Variants in HDAC8 observed in about 807,000 individuals in gnomAD.
HDAC8 encodes the protein histone deacetylase-like 1.
Under a neutral mutation model 32.2 loss-of-function variants are expected in HDAC8, and 1 was observed. The ratio of observed to expected loss-of-function variants is 0.03; its 90% CI spans 0.01 to 0.15. The LOEUF (loss-of-function observed/expected upper bound fraction) is 0.15, where lower values mean the gene tolerates loss of function less well. Ranked by LOEUF, HDAC8 falls within the 10% of genes least tolerant of loss-of-function variation. The probability of loss-of-function intolerance (pLI) is 1.00; values close to 1 mark genes in which losing one functional copy is unlikely to be tolerated. For missense variants in HDAC8, 117 were observed against 300.0 expected (o/e 0.39, Z 4.51); for synonymous variants, 108 against 113.9 (o/e 0.95, Z 0.33).
chrX:72,342,382 C>T (rs1012429723), intron 10 of HDAC8, among the ~76,000 whole-genome samples: 1 of 112,303 alleles, frequency 8.9e-6, no homozygotes, highest in South Asian at 3.7e-4. Context: ...GGAGGCTAGG[C>T]CCACTTACCC....
chrX:72,483,039 A>AGGAG (rs1556003947), intron 7 of HDAC8, among the ~76,000 whole-genome samples: 2 of 111,649 alleles, frequency 1.8e-5, no homozygotes, highest in African/African-American at 6.5e-5. Context: ...CCAGTCATAG[A>AGGAG]GGAGACAATA....
chrX:72,415,246 C>T (rs1327683514), intron 9 of HDAC8, among the ~76,000 whole-genome samples: 12 of 111,730 alleles, frequency 1.1e-4, no homozygotes, highest in African/African-American at 3.3e-4. Context: ...TTTAGTTGGC[C>T]GTATTTGTGT....
At chrX:72,389,671 AG>A (rs1458903321) in intron 9 of HDAC8, among the ~76,000 whole-genome samples, 3 of 112,254 alleles carry the variant, frequency 2.7e-5, no homozygotes, top group African/African-American at 9.7e-5. Flanking sequence ...TTGGCTCAAA[AG>A]CTCATGTTCT....
chrX:72,513,701 ATTT>A (rs1224804539), intron 4 of HDAC8, among the ~76,000 whole-genome samples: 11 of 111,729 alleles, frequency 9.8e-5, no homozygotes, highest in African/African-American at 3.6e-4. Flanking sequence ...TATTTGTATT[ATTT>A]ATCTTGAATA....
At chrX:72,455,314 G>A (rs1253687681) in intron 9 of HDAC8, among the ~76,000 whole-genome samples, 1 of 111,674 alleles carries the variant, frequency 9.0e-6, no homozygotes, top group African/African-American at 3.3e-5. Flanking sequence ...TTTGACCTAA[G>A]AATGTCCCTG....
At chrX:72,467,470 G>A (rs1414998792) in intron 7 of HDAC8, 1 of 112,124 alleles carries the variant, frequency 8.9e-6, no homozygotes, top group Admixed American at 9.6e-5. Flanking sequence ...TGGAGGCAGA[G>A]ATGATTGTGG....
intron 9 of HDAC8, among the ~76,000 whole-genome samples, chrX:72,434,055 T>C (rs2046888640): frequency 8.9e-6 from 1 of 112,596 alleles, no homozygotes; most frequent in Admixed American, 9.4e-5. Context: ...CAGCAGTAGA[T>C]GTTTAATAAA....
At chrX:72,550,927 TC>T (rs1469009228) in intron 4 of HDAC8, among the ~76,000 whole-genome samples, 1 of 111,563 alleles carries the variant, frequency 9.0e-6, no homozygotes, top group Non-Finnish European at 1.9e-5. Flanking sequence ...AAGAACCCAC[TC>T]CTTTAAATAC....
At chrX:72,522,996 C>T (rs1268716454) in intron 4 of HDAC8, among the ~76,000 whole-genome samples, 2 of 111,708 alleles carry the variant, frequency 1.8e-5, no homozygotes, top group African/African-American at 6.5e-5. Flanking sequence ...TGTCTGTCTG[C>T]CATGATAATT....
intron 4 of HDAC8, among the ~76,000 whole-genome samples, chrX:72,504,582 A>G (rs1326685366): frequency 9.0e-6 from 1 of 111,566 alleles, no homozygotes; most frequent in East Asian, 2.8e-4. Flanking sequence ...GTGTTTATCC[A>G]TTCATCTGTT....
intron 4 of HDAC8, among the ~76,000 whole-genome samples, chrX:72,508,647 G>A (rs2049469609): frequency 9.0e-6 from 1 of 111,640 alleles, no homozygotes; most frequent in Non-Finnish European, 1.9e-5. Flanking sequence ...TGGATTAATG[G>A]GTTATTGAGG....
chrX:72,387,556 G>A (rs1301516001), intron 9 of HDAC8, among the ~76,000 whole-genome samples: 1 of 111,693 alleles, frequency 9.0e-6, no homozygotes, highest in Admixed American at 9.5e-5. Context: ...TCAGACTCCA[G>A]AGCCACCCTG....
chrX:72,478,748 G>C (rs782043397), intron 7 of HDAC8, among the ~76,000 whole-genome samples: 1 of 106,740 alleles, frequency 9.4e-6, no homozygotes, highest in Non-Finnish European at 1.9e-5. Context: ...CCGCCTCCTG[G>C]GTTTTCAAGC....
chrX:72,434,705 G>A (rs2046904791), intron 9 of HDAC8, among the ~76,000 whole-genome samples: 1 of 111,496 alleles, frequency 9.0e-6, no homozygotes, highest in Admixed American at 9.5e-5. Context: ...CCCTGGCTGT[G>A]ATATTTTTAC....
intron 9 of HDAC8, among the ~76,000 whole-genome samples, chrX:72,361,604 A>T (rs2044551662): frequency 9.1e-6 from 1 of 110,252 alleles, no homozygotes; most frequent in African/African-American, 3.3e-5. Context: ...GTAGGTTCTT[A>T]TGTTAGTCAA....
At chrX:72,571,597 A>T in intron 2 of HDAC8, among the ~76,000 whole-genome samples, 1 of 53,590 alleles carries the variant, frequency 1.9e-5, no homozygotes, top group African/African-American at 7.6e-5. Context: ...ACGGAGTTTC[A>T]CTCTTGTTGC....
chrX:72,492,651 G>A (rs1556010602), intron 5 of HDAC8, among the ~76,000 whole-genome samples: 2 of 111,461 alleles, frequency 1.8e-5, no homozygotes, highest in Non-Finnish European at 3.8e-5. Flanking sequence ...CACCATAAAA[G>A]TTGGCTAAAA....
At chrX:72,520,507 G>GTC (rs1460843571) in intron 4 of HDAC8, among the ~76,000 whole-genome samples, 1 of 111,846 alleles carries the variant, frequency 8.9e-6, no homozygotes, top group African/African-American at 3.3e-5. Flanking sequence ...CCACATTTCT[G>GTC]TCTCTCTCTC....
chrX:72,571,123 A>C (rs2052024753), intron 2 of HDAC8, among the ~76,000 whole-genome samples: 1 of 110,681 alleles, frequency 9.0e-6, no homozygotes, highest in African/African-American at 3.3e-5. Flanking sequence ...ACGGGGTTTC[A>C]CCGTGTTAGC....
Sources: allele counts gnomAD v4.1 joint callset (sites outside exome capture counted in the v4.1 genomes callset), GRCh38; gene constraint gnomAD v4.1.1; transcripts MANE v1.5; gene names NCBI Gene and HGNC (gene_info 2026-07-23, HGNC 2026-07-21).